Variants in DNAH9 observed in about 807,000 individuals in gnomAD.
DNAH9 encodes DNAH9 variant protein.
A neutral mutation model predicts 471.6 loss-of-function variants in DNAH9; 345 were observed. The ratio of observed to expected loss-of-function variants is 0.73; its 90% confidence interval spans 0.67 to 0.80. The LOEUF (loss-of-function observed/expected upper bound fraction) is 0.80. DNAH9 is among the 30% of genes least tolerant of loss of function. The pLI, the probability that DNAH9 is intolerant of heterozygous loss-of-function variation, is 0.00. For missense variants in DNAH9, 5,407 were observed against 5,609.2 expected, an observed-to-expected ratio of 0.96 and a Z score of 1.15; for synonymous variants, 2,093 against 2,123.6, an observed-to-expected ratio of 0.99 and a Z score of 0.40.
chr17:11,662,082 G>T (rs1454526951), intron 14 of DNAH9, among the ~76,000 whole-genome samples: 1 of 151,922 alleles, frequency 6.6e-6, no homozygotes, highest in Non-Finnish European at 1.5e-5. Flanking sequence ...GTTTCATTTG[G>T]TACACAATTG....
intron 45 of DNAH9, among the ~76,000 whole-genome samples, chr17:11,814,028 G>A (rs1052018263): frequency 5.3e-5 from 8 of 152,138 alleles, no homozygotes; most frequent in African/African-American, 1.7e-4. Context: ...TGCAACTGCT[G>A]GTGAAACTGT....
Position 11,932,450 on chromosome 17 carries a change from C to T in DNAH9, c.12297+245C>T, listed in dbSNP as rs899349201. ...TATTTGAAACCTTGATAGTACAAAT[C>T]GGAGCCCATGCATCAACATCATTGG... On this transcript the variant is annotated intron_variant, in intron 64 of 68. Coordinates refer to ENST00000262442, the MANE Select transcript of DNAH9 (RefSeq NM_001372.4). This position sits in a 1 kb window ranked among gnomAD's most constrained non-coding sequence, Gnocchi z 4.3. Among the ~76,000 whole-genome samples the T allele has an allele frequency of 3.3e-5, 5 of 152,140 alleles. No individual in the cohort carries two copies. Among genetic ancestry groups the T allele is most frequent in the Non-Finnish European group, 5.9e-5 (4 of 68,024 alleles).
chr17:11,669,412 A>G lies in DNAH9; in HGVS notation c.2971A>G (p.Thr991Ala). Residue 991 changes from threonine (T) to alanine (A), a missense_variant, in exon 17 of 69, where the codon ACA becomes GCA. By Grantham distance (58) the Thr-to-Ala change is moderately conservative. Transcript: ENST00000262442. ...ACCAGATTTGGCAAACATGCGGCGCACACTCATGGAGAGAGTCCAGAGAAT... is the reference window on the plus strand; with the variant it reads ...ACCAGATTTGGCAAACATGCGGCGCGCACTCATGGAGAGAGTCCAGAGAAT... ...GIPDLANMRRTLMERVQRMMG... is the reference protein window; with the variant it reads ...GIPDLANMRRALMERVQRMMG... The G allele has an allele frequency of 2.5e-6, 4 of 1,613,896 alleles. No homozygotes were observed. The highest frequency in any genetic ancestry group is 3.4e-6 in the Non-Finnish European group (4 of 1,179,928).
At chr17:11,660,604 T>C (rs2073743728) in intron 14 of DNAH9, among the ~76,000 whole-genome samples, 1 of 152,246 alleles carries the variant, frequency 6.6e-6, no homozygotes, top group Admixed American at 6.5e-5. Context: ...ATTACAGGTG[T>C]GAACTACCAT....
In DNAH9 at chr17:11,903,262, C is replaced by G. The variant is rs563950973; in HGVS notation, c.11600+350C>G. 3.3e-5 allele frequency among the ~76,000 whole-genome samples: 5 copies of G among 152,080 alleles called. No individual in the cohort carries two copies. In the South Asian group the frequency reaches 6.2e-4, roughly 19 times the overall value. Reference sequence around the variant, plus strand: ...GCTGAGGCAGGGAATTGCTTGAACCCGGGAGGCAGAGGTTGCAGTGACCCG... The same window carrying G: ...GCTGAGGCAGGGAATTGCTTGAACCGGGGAGGCAGAGGTTGCAGTGACCCG... On this transcript the variant is annotated intron_variant, in intron 60 of 68. Transcript: ENST00000262442.
At chr17:11,867,514 T>C (rs1442574446) in intron 50 of DNAH9, among the ~76,000 whole-genome samples, 4 of 152,240 alleles carry the variant, frequency 2.6e-5, no homozygotes, top group Non-Finnish European at 5.9e-5. Flanking sequence ...GTTCTTGTTT[T>C]GTGGATGAAT....
At chr17:11,795,801 T>G (rs1969219162) in intron 42 of DNAH9, among the ~76,000 whole-genome samples, 1 of 152,232 alleles carries the variant, frequency 6.6e-6, no homozygotes, top group Admixed American at 6.5e-5. Context: ...GGTCTGTGTA[T>G]GAAGAGCACT....
At chr17:11,915,330 C>T (rs545889123) in intron 61 of DNAH9, among the ~76,000 whole-genome samples, 2 of 152,134 alleles carry the variant, frequency 1.3e-5, no homozygotes, top group Non-Finnish European at 2.9e-5. Context: ...TCGATACCAA[C>T]CTGTCCAACA....
At chr17:11,643,781 A>G (rs994068952) in intron 10 of DNAH9, among the ~76,000 whole-genome samples, 1 of 152,224 alleles carries the variant, frequency 6.6e-6, no homozygotes, top group Non-Finnish European at 1.5e-5. Context: ...TCTATGATCA[A>G]TACACTCTAT....
chr17:11,955,545 T>G (rs1043550825), intron 67 of DNAH9, among the ~76,000 whole-genome samples: 19 of 152,214 alleles, frequency 1.2e-4, no homozygotes, highest in African/African-American at 4.1e-4. Flanking sequence ...TCCAGACCAC[T>G]CCTACATTTG....
intron 66 of DNAH9, among the ~76,000 whole-genome samples, chr17:11,939,178 C>T (rs1226525252): frequency 6.6e-6 from 1 of 152,036 alleles, no homozygotes; most frequent in Non-Finnish European, 1.5e-5. Flanking sequence ...GAGCATACTT[C>T]GAGAAAGCTG....
chr17:11,723,023 G>A (rs1295733184), intron 27 of DNAH9: 1 of 152,296 alleles, frequency 6.6e-6, no homozygotes, highest in East Asian at 1.9e-4. Flanking sequence ...CTCCTCCTGA[G>A]TCTCTGGTCT....
intron 50 of DNAH9, among the ~76,000 whole-genome samples, chr17:11,864,151 G>T: frequency 6.8e-6 from 1 of 147,510 alleles, no homozygotes; most frequent in Non-Finnish European, 1.5e-5. Flanking sequence ...TTTCTCTTGT[G>T]GGCATTTAGT....
intron 61 of DNAH9, among the ~76,000 whole-genome samples, chr17:11,913,812 G>C (rs1031911983): frequency 6.6e-6 from 1 of 151,618 alleles, no homozygotes; most frequent in Non-Finnish European, 1.5e-5. Flanking sequence ...AAAAGAAAAA[G>C]AGAAACAGTT....
chr17:11,837,601 C>T (rs573932483), intron 49 of DNAH9, among the ~76,000 whole-genome samples: 3 of 152,328 alleles, frequency 2.0e-5, no homozygotes, highest in Admixed American at 2.0e-4. Context: ...CTGCTCCTAC[C>T]CATAATCCAA....
intron 38 of DNAH9, among the ~76,000 whole-genome samples, chr17:11,771,698 T>G (rs955849391): frequency 3.3e-5 from 5 of 152,162 alleles, no homozygotes; most frequent in Non-Finnish European, 7.3e-5. Context: ...TGTACCCTTA[T>G]TTTCAAGCCT....
chr17:11,905,085 T>A (rs1434101806), intron 60 of DNAH9, among the ~76,000 whole-genome samples: 1 of 151,642 alleles, frequency 6.6e-6, no homozygotes, highest in Non-Finnish European at 1.5e-5. Flanking sequence ...ATAAAAAAAA[T>A]TAGCTGGGCG....
At chr17:11,941,784 T>TGATA (rs143740268) in intron 66 of DNAH9, among the ~76,000 whole-genome samples, 188 of 152,070 alleles carry the variant, frequency 1.2e-3, no homozygotes, top group African/African-American at 4.1e-3. Context: ...ATTAGATAGA[T>TGATA]GATAGATAGA....
chr17:11,830,426 T>G (rs1970646365), intron 48 of DNAH9, among the ~76,000 whole-genome samples: 1 of 152,230 alleles, frequency 6.6e-6, no homozygotes, highest in African/African-American at 2.4e-5. Context: ...TCTGGAAACT[T>G]AAATTCAGTT....
Sources: allele counts gnomAD v4.1 joint callset (sites outside exome capture counted in the v4.1 genomes callset), GRCh38; gene constraint gnomAD v4.1.1; non-coding constraint Gnocchi (gnomAD v3.1); transcripts MANE v1.5; gene names NCBI Gene and HGNC (gene_info 2026-07-23, HGNC 2026-07-21).